Variants in DOCK1 observed in about 807,000 individuals in gnomAD.
DOCK1 encodes dedicator of cytokinesis 1, also known as dedicator of cytokinesis protein 1.
In DOCK1, 138 loss-of-function variants were observed where a neutral mutation model predicts 262.7. The ratio of observed to expected loss-of-function variants is 0.53; its 90% CI spans 0.46 to 0.61. DOCK1 has a LOEUF of 0.61. Among genes scored for constraint, DOCK1 ranks in the 20% least tolerant of loss-of-function variants. DOCK1 has a pLI of 0.00. For synonymous variants in DOCK1, 866 were observed against 867.4 expected (o/e 1.00, Z 0.03); for missense variants, 1,908 against 2,370.7 (o/e 0.80, Z 4.05).
chr10:127,438,219 A>G (rs750277390), intron 48 of DOCK1, among the ~76,000 whole-genome samples: 9 of 152,192 alleles, frequency 5.9e-5, no homozygotes, highest in African/African-American at 1.4e-4. Flanking sequence ...GGACATGCCA[A>G]TCTTGTGTTG....
intron 40 of DOCK1, among the ~76,000 whole-genome samples, chr10:127,405,591 G>A (rs767171036): frequency 2.0e-4 from 30 of 152,156 alleles, no homozygotes; most frequent in African/African-American, 6.5e-4. Context: ...GGTTCCAGAC[G>A]TTGTTCATTT....
chr10:127,312,926 G>A (rs1198972868), intron 29 of DOCK1, among the ~76,000 whole-genome samples: 1 of 151,982 alleles, frequency 6.6e-6, no homozygotes, highest in Non-Finnish European at 1.5e-5. Flanking sequence ...TCTCCTGCTG[G>A]AAACCTTTCA....
At chr10:127,260,684 G>GGT (rs377310576) in intron 29 of DOCK1, among the ~76,000 whole-genome samples, 34 of 126,410 alleles carry the variant, frequency 2.7e-4, no homozygotes, top group African/African-American at 1.0e-3. Flanking sequence ...TGTGCATGTG[G>GGT]GTGTGTGTGT....
intron 15 of DOCK1, chr10:127,026,035 G>A (rs1286400837): frequency 7.3e-6 from 2 of 274,838 alleles, no homozygotes; most frequent in South Asian, 3.1e-5. Flanking sequence ...CTCTAGCCTG[G>A]GCAACAAGAG....
intron 25 of DOCK1, among the ~76,000 whole-genome samples, chr10:127,123,130 C>T (rs1032036742): frequency 6.6e-6 from 1 of 152,198 alleles, no homozygotes; most frequent in African/African-American, 2.4e-5. Flanking sequence ...CCTTTTCCCT[C>T]TCTTGGGTCC....
intron 1 of DOCK1, among the ~76,000 whole-genome samples, chr10:126,941,788 A>AAAAC: frequency 7.5e-6 from 1 of 134,146 alleles, no homozygotes; most frequent in African/African-American, 2.6e-5. Flanking sequence ...CAAAACAAAA[A>AAAAC]AAACAGCATT....
At chr10:127,194,645 C>G (rs897556907) in intron 27 of DOCK1, among the ~76,000 whole-genome samples, 7 of 152,132 alleles carry the variant, frequency 4.6e-5, no homozygotes, top group Non-Finnish European at 8.8e-5. Context: ...AAGTACCCAG[C>G]CAGCGCAGTC....
chr10:127,022,602 G>T (rs2042518723), intron 13 of DOCK1, among the ~76,000 whole-genome samples: 1 of 152,018 alleles, frequency 6.6e-6, no homozygotes, highest in African/African-American at 2.4e-5. Flanking sequence ...CACCATGTTG[G>T]CCAGGCTGGT....
At chr10:127,249,432 TAC>T (rs376080330) in intron 28 of DOCK1, among the ~76,000 whole-genome samples, 2,443 of 96,960 alleles carry the variant, frequency 0.025, 51 homozygotes, top group African/African-American at 0.085. Context: ...CATATATATA[TAC>T]ACACACACAC....
chr10:127,132,291 A>G (rs2050370752), intron 27 of DOCK1, among the ~76,000 whole-genome samples: 1 of 152,174 alleles, frequency 6.6e-6, no homozygotes, highest in Non-Finnish European at 1.5e-5. Flanking sequence ...ATAATGTGCT[A>G]TGATCCGAAG....
intron 27 of DOCK1, among the ~76,000 whole-genome samples, chr10:127,179,802 A>G (rs190025723): frequency 6.6e-6 from 1 of 152,370 alleles, no homozygotes; most frequent in East Asian, 1.9e-4. Flanking sequence ...GTGAATGTAC[A>G]TACGTTACAG....
At chr10:127,438,039 C>G (rs187698708) in intron 48 of DOCK1, among the ~76,000 whole-genome samples, 34 of 152,332 alleles carry the variant, frequency 2.2e-4, no homozygotes, top group African/African-American at 8.2e-4. Flanking sequence ...GCACTGCCTT[C>G]CACGTGAGTT....
chr10:127,228,544 C>G (rs1211643284), intron 27 of DOCK1, among the ~76,000 whole-genome samples: 1 of 152,172 alleles, frequency 6.6e-6, no homozygotes, highest in African/African-American at 2.4e-5. Flanking sequence ...GTGGCTTGGT[C>G]GTAGCCTTTG....
chr10:127,026,577 T>C (rs2135483100), intron 16 of DOCK1, 153 bp downstream of exon 16: 1 of 736,356 alleles, frequency 1.4e-6, no homozygotes, highest in East Asian at 2.8e-5. Flanking sequence ...CATTCTTCTC[T>C]CTTTTCCTTG....
At position 127,177,928 on chromosome 10, in the gene DOCK1, A is replaced by C. The variant is rs2055333402; in HGVS notation, c.2847+50164A>C. Among the ~76,000 whole-genome samples, 3 of 152,188 alleles carry C rather than the reference A, an allele frequency of 2.0e-5. No individual in the cohort carries two copies. In the South Asian group the frequency reaches 6.2e-4, roughly 32 times the overall value. Reference sequence around the variant, plus strand: ...CATTTTTCGGTGTCACACAGGAAATAAGCAGCGCAGGCAGGAGCAGGACCC... The same window carrying C: ...CATTTTTCGGTGTCACACAGGAAATCAGCAGCGCAGGCAGGAGCAGGACCC... On this transcript the variant is annotated intron_variant, in intron 27 of 51. Coordinates refer to ENST00000623213, the MANE Select transcript of DOCK1 (RefSeq NM_001290223.2).
At chr10:127,404,570 CG>C in intron 40 of DOCK1, 141 bp downstream of exon 40, 5 of 727,894 alleles carry the variant, frequency 6.9e-6, no homozygotes, top group Admixed American at 2.7e-5. Context: ...GTGGTTAGCC[CG>C]GGGGGCAGAG....
intron 27 of DOCK1, among the ~76,000 whole-genome samples, chr10:127,158,051 A>T (rs2053248837): frequency 6.6e-6 from 1 of 152,188 alleles, no homozygotes; most frequent in African/African-American, 2.4e-5. Context: ...GAAGCTTCCA[A>T]GCTGTAGGGT....
intron 23 of DOCK1, among the ~76,000 whole-genome samples, chr10:127,065,908 T>G (rs1206097606): frequency 6.6e-6 from 1 of 152,018 alleles, no homozygotes; most frequent in Non-Finnish European, 1.5e-5. Context: ...CACCTCTTCC[T>G]GTCTGTTTTC....
chr10:127,112,679 A>G (rs929809205), intron 25 of DOCK1, among the ~76,000 whole-genome samples: 1 of 152,208 alleles, frequency 6.6e-6, no homozygotes, highest in Non-Finnish European at 1.5e-5. Context: ...GTTGTATGAA[A>G]TATATGAATC....
Sources: allele counts gnomAD v4.1 joint callset (sites outside exome capture counted in the v4.1 genomes callset), GRCh38; gene constraint gnomAD v4.1.1; transcripts MANE v1.5; gene names NCBI Gene and HGNC (gene_info 2026-07-23, HGNC 2026-07-21).